The following RBFOX1 variants were observed in gnomAD, a reference collection of about 807,000 sequenced individuals.
RBFOX1 encodes the protein RNA binding fox-1 homolog 1.
RBFOX1 carries 8 observed loss-of-function variants against 57.7 expected under a neutral mutation model. That is an observed-to-expected ratio of 0.14 (90% confidence interval 0.08 to 0.25). The LOEUF is 0.25. RBFOX1 is among the 10% of genes least tolerant of loss of function. The pLI, the probability that RBFOX1 is intolerant of heterozygous loss-of-function variation, is 1.00. For synonymous variants in RBFOX1, 326 were observed against 222.4 expected (o/e 1.47, Z -4.15); for missense variants, 611 against 548.5 (o/e 1.11, Z -1.14).
At chr16:6,439,526 A>G (rs533289853) in intron 2 of RBFOX1, among the ~76,000 whole-genome samples, 14 of 152,224 alleles carry the variant, frequency 9.2e-5, no homozygotes, top group African/African-American at 3.4e-4. Flanking sequence ...ATGCCTCCTG[A>G]GCTGCCCCAG....
intron 2 of RBFOX1, among the ~76,000 whole-genome samples, chr16:6,519,110 G>A (rs538949475): frequency 2.0e-5 from 3 of 151,978 alleles, no homozygotes; most frequent in African/African-American, 4.8e-5. Context: ...AAGGCACAAA[G>A]TGGAAAGCTT....
intron 1 of RBFOX1, among the ~76,000 whole-genome samples, chr16:6,053,114 G>T (rs1253070001): frequency 6.6e-6 from 1 of 152,038 alleles, no homozygotes; most frequent in Non-Finnish European, 1.5e-5. Flanking sequence ...TTTAACACTT[G>T]GGGCTGAGCG....
At chr16:5,875,671 G>A (rs922413086) in intron 4 of RBFOX1, among the ~76,000 whole-genome samples, 10 of 152,212 alleles carry the variant, frequency 6.6e-5, no homozygotes, top group African/African-American at 1.4e-4. Flanking sequence ...AATTCCTGGC[G>A]TCTGAACCCA....
intron 2 of RBFOX1, among the ~76,000 whole-genome samples, chr16:6,343,992 C>A (rs2084942840): frequency 6.6e-6 from 1 of 152,188 alleles, no homozygotes; most frequent in Admixed American, 6.5e-5. Context: ...AGCAGAGTAA[C>A]CTCTCCTGGG....
At chr16:5,619,856 G>A (rs2048151890) in intron 3 of RBFOX1, among the ~76,000 whole-genome samples, 1 of 152,098 alleles carries the variant, frequency 6.6e-6, no homozygotes. Flanking sequence ...GGACATGGGG[G>A]CTCACTTCCT....
intron 4 of RBFOX1, among the ~76,000 whole-genome samples, chr16:7,495,236 A>G (rs996135073): frequency 3.9e-5 from 6 of 152,190 alleles, no homozygotes; most frequent in African/African-American, 1.4e-4. Flanking sequence ...CACCTAGGCT[A>G]ATTCCATGTC....
intron 12 of RBFOX1, among the ~76,000 whole-genome samples, chr16:7,663,862 A>C (rs1158098869): frequency 6.6e-6 from 1 of 152,240 alleles, no homozygotes; most frequent in African/African-American, 2.4e-5. Context: ...CTTAGGAAAT[A>C]CAAATCAGTT....
intron 3 of RBFOX1, among the ~76,000 whole-genome samples, chr16:5,636,110 G>A (rs1353702921): frequency 6.6e-6 from 1 of 152,144 alleles, no homozygotes; most frequent in African/African-American, 2.4e-5. Flanking sequence ...CACTTTGGGA[G>A]GCAAAGGCGG....
intron 3 of RBFOX1, among the ~76,000 whole-genome samples, chr16:6,675,804 G>A (rs531552634): frequency 6.6e-6 from 1 of 152,108 alleles, no homozygotes; most frequent in Admixed American, 6.5e-5. Flanking sequence ...CCACTGCTAC[G>A]AATCAATTAT....
intron 7 of RBFOX1, among the ~76,000 whole-genome samples, chr16:7,594,236 G>A (rs1350149040): frequency 6.6e-6 from 1 of 151,958 alleles, no homozygotes; most frequent in East Asian, 1.9e-4. Context: ...AGGACTGGGA[G>A]TTATCACCAG....
intron 3 of RBFOX1, among the ~76,000 whole-genome samples, chr16:5,627,824 C>T (rs1596504540): frequency 6.6e-6 from 1 of 152,166 alleles, no homozygotes; most frequent in South Asian, 2.1e-4. Flanking sequence ...AGCATAGGTT[C>T]TATGCAAATA....
chr16:5,969,319 T>G (rs1385221698), intron 4 of RBFOX1, among the ~76,000 whole-genome samples: 16 of 140,442 alleles, frequency 1.1e-4, no homozygotes, highest in South Asian at 7.1e-4. Flanking sequence ...TTTTTTTTTT[T>G]TTTTGGTTTG....
At chr16:6,664,126 CT>C (rs1325328338) in intron 3 of RBFOX1, among the ~76,000 whole-genome samples, 1 of 152,174 alleles carries the variant, frequency 6.6e-6, no homozygotes, top group Non-Finnish European at 1.5e-5. Flanking sequence ...TATGTATGAC[CT>C]TTCAGACTTC....
At chr16:5,409,744 T>G (rs1170546878) in intron 1 of RBFOX1, among the ~76,000 whole-genome samples, 1 of 151,982 alleles carries the variant, frequency 6.6e-6, no homozygotes, top group Non-Finnish European at 1.5e-5. Flanking sequence ...AGTATTCCAG[T>G]CTCTTAAAAA....
chr16:5,393,572 C>T (rs1246267269), intron 1 of RBFOX1, among the ~76,000 whole-genome samples: 5 of 152,200 alleles, frequency 3.3e-5, no homozygotes, highest in Non-Finnish European at 7.3e-5. Flanking sequence ...AATGGCTTCT[C>T]TCAGCATGGA....
intron 1 of RBFOX1, among the ~76,000 whole-genome samples, chr16:6,164,906 T>C (rs1267173313): frequency 2.6e-5 from 4 of 152,204 alleles, no homozygotes; most frequent in Non-Finnish European, 5.9e-5. Context: ...CGAAGTTGAA[T>C]TTTTCATTAA....
At chr16:6,725,056 TTC>T (rs760578968) in intron 3 of RBFOX1, among the ~76,000 whole-genome samples, 3,224 of 47,618 alleles carry the variant, frequency 0.068, 339 homozygotes, top group East Asian at 0.096. Context: ...TTTTTTTTTT[TTC>T]TTTTTTTTTT....
At chr16:6,503,632 T>C (rs1567471368) in intron 2 of RBFOX1, among the ~76,000 whole-genome samples, 1 of 152,232 alleles carries the variant, frequency 6.6e-6, no homozygotes. Flanking sequence ...GTCAGCAAGC[T>C]AACTTGAGTC....
intron 2 of RBFOX1, among the ~76,000 whole-genome samples, chr16:6,608,728 T>C (rs2097987490): frequency 6.6e-6 from 1 of 152,180 alleles, no homozygotes; most frequent in Non-Finnish European, 1.5e-5. Context: ...GCCATGATTG[T>C]ACCACTGCAT....
Sources: gnomAD v4.1 joint callset for allele counts (sites outside exome capture counted in the v4.1 genomes callset) on GRCh38, gnomAD v4.1.1 for gene constraint, MANE v1.5 for transcripts, NCBI Gene and HGNC (gene_info 2026-07-23, HGNC 2026-07-21) for gene names.